Variants in RAD51B observed in about 807,000 individuals in gnomAD.
RAD51B encodes RAD51 paralog B.
RAD51B carries 38 observed loss-of-function variants against 42.2 expected under a neutral mutation model. The ratio of observed to expected loss-of-function variants is 0.90; its 90% CI spans 0.70 to 1.18. RAD51B has a LOEUF of 1.18. RAD51B is among the 50% of genes most tolerant of loss of function. The probability of loss-of-function intolerance (pLI) is 0.00; values close to 1 mark genes in which losing one functional copy is unlikely to be tolerated. For missense variants in RAD51B, 373 were observed against 400.7 expected, an observed-to-expected ratio of 0.93 and a Z score of 0.59; for synonymous variants, 154 against 145.2, an observed-to-expected ratio of 1.06 and a Z score of -0.43.
chr14:68,016,562 T>C (rs974400343), intron 7 of RAD51B, among the ~76,000 whole-genome samples: 2 of 152,240 alleles, frequency 1.3e-5, no homozygotes, highest in South Asian at 4.1e-4. Flanking sequence ...TTATAACATT[T>C]AGCTTTAAAT....
intron 7 of RAD51B, among the ~76,000 whole-genome samples, chr14:68,044,230 G>T (rs1485225686): frequency 6.6e-6 from 1 of 152,120 alleles, no homozygotes; most frequent in Non-Finnish European, 1.5e-5. Flanking sequence ...GATATCTTTA[G>T]GTTCAAATTA....
At chr14:68,010,533 A>G (rs1052367513) in intron 7 of RAD51B, among the ~76,000 whole-genome samples, 1 of 151,726 alleles carries the variant, frequency 6.6e-6, no homozygotes, top group Admixed American at 6.6e-5. Flanking sequence ...AATATATAAG[A>G]TTTTAGAGTA....
chr14:68,043,722 G>C (rs551263228), intron 7 of RAD51B, among the ~76,000 whole-genome samples: 3 of 152,266 alleles, frequency 2.0e-5, no homozygotes, highest in African/African-American at 7.2e-5. Flanking sequence ...TGTTAAAAAG[G>C]CTTTCTGATA....
intron 10 of RAD51B, chr14:68,540,309 ACACTGTTGGAT>A: frequency 9.6e-7 from 1 of 1,045,008 alleles, no homozygotes; most frequent in African/African-American, 1.7e-5. Flanking sequence ...CCACACCACA[ACACTGTTGGAT>A]CATCAGACCT....
chr14:67,917,787 A>T (rs1024014855), intron 7 of RAD51B, among the ~76,000 whole-genome samples: 3 of 152,190 alleles, frequency 2.0e-5, no homozygotes, highest in African/African-American at 7.2e-5. Flanking sequence ...TGGACAGAGC[A>T]GATTTGAGGG....
At chr14:68,501,059 A>G (rs1884885742) in intron 10 of RAD51B, among the ~76,000 whole-genome samples, 2 of 152,064 alleles carry the variant, frequency 1.3e-5, no homozygotes, top group South Asian at 2.1e-4. Flanking sequence ...CCCTCTTGCC[A>G]TGGTTCATGC....
At chr14:67,943,997 A>C (rs1045870749) in intron 7 of RAD51B, among the ~76,000 whole-genome samples, 1 of 152,132 alleles carries the variant, frequency 6.6e-6, no homozygotes, top group African/African-American at 2.4e-5. Context: ...TCATTTCTTC[A>C]GCACTCTGGG....
At chr14:68,650,822 A>G in exon 11 of RAD51B, 1 of 761,140 alleles carries the variant, frequency 1.3e-6, no homozygotes, top group Non-Finnish European at 2.4e-6. Flanking sequence ...AATCCAGAAC[A>G]GACTAAAAGA....
At chr14:68,207,332 C>T (rs2079613295) in intron 7 of RAD51B, among the ~76,000 whole-genome samples, 1 of 152,060 alleles carries the variant, frequency 6.6e-6, no homozygotes, top group African/African-American at 2.4e-5. Context: ...AATTCATTCC[C>T]ACAGGTTTCT....
chr14:67,824,920 T>TA (rs1566909013), intron 2 of RAD51B, among the ~76,000 whole-genome samples: 2 of 149,922 alleles, frequency 1.3e-5, no homozygotes, highest in Non-Finnish European at 3.0e-5. Context: ...CTACTAAAAA[T>TA]AAAAAAAATT....
intron 8 of RAD51B, among the ~76,000 whole-genome samples, chr14:68,388,188 GGTTCA>G: frequency 6.6e-6 from 1 of 151,508 alleles, no homozygotes; most frequent in East Asian, 1.9e-4. Flanking sequence ...CTGCCTCCCT[GGTTCA>G]AGCGATTCTC....
At chr14:68,468,010 A>G (rs952978444) in intron 9 of RAD51B, among the ~76,000 whole-genome samples, 162 bp from the exon 10 acceptor site, 14 of 152,152 alleles carry the variant, frequency 9.2e-5, no homozygotes, top group African/African-American at 3.1e-4. Flanking sequence ...AAAGGATAAC[A>G]CTCATTTAAA....
chr14:68,643,968 T>C (rs1674717676), intron 10 of RAD51B, among the ~76,000 whole-genome samples: 1 of 152,220 alleles, frequency 6.6e-6, no homozygotes, highest in African/African-American at 2.4e-5. Flanking sequence ...CCTTCCCCAG[T>C]AGCTGTCACC....
intron 8 of RAD51B, among the ~76,000 whole-genome samples, chr14:68,333,245 A>G (rs1241018552): frequency 6.6e-6 from 1 of 151,572 alleles, no homozygotes; most frequent in East Asian, 2.0e-4. Flanking sequence ...ATCAATAAAG[A>G]AAAATAGAAA....
At chr14:68,006,769 A>AATT (rs1180510939) in intron 7 of RAD51B, among the ~76,000 whole-genome samples, 1 of 152,140 alleles carries the variant, frequency 6.6e-6, no homozygotes, top group Non-Finnish European at 1.5e-5. Flanking sequence ...AATTAGGATA[A>AATT]ATACATAAAG....
At chr14:68,039,286 G>T (rs1460233509) in intron 7 of RAD51B, among the ~76,000 whole-genome samples, 1 of 151,966 alleles carries the variant, frequency 6.6e-6, no homozygotes, top group Non-Finnish European at 1.5e-5. Context: ...AAATTTGCTG[G>T]GTGTGGTGGC....
chr14:67,982,372 A>C, intron 7 of RAD51B, among the ~76,000 whole-genome samples: 1 of 152,364 alleles, frequency 6.6e-6, no homozygotes, highest in African/African-American at 2.4e-5. Context: ...CATATGCACT[A>C]GCATATTATA....
chr14:68,021,379 G>A (rs1595269804), intron 7 of RAD51B, among the ~76,000 whole-genome samples: 1 of 152,126 alleles, frequency 6.6e-6, no homozygotes, highest in African/African-American at 2.4e-5. Context: ...CTGATTGGAG[G>A]TCTGGCTCTC....
intron 10 of RAD51B, among the ~76,000 whole-genome samples, chr14:68,500,884 G>A (rs1044550796): frequency 6.6e-6 from 1 of 152,194 alleles, no homozygotes; most frequent in Non-Finnish European, 1.5e-5. Flanking sequence ...TGGGAAGAGA[G>A]GACACTGGCT....
Sources: allele counts gnomAD v4.1 joint callset (sites outside exome capture counted in the v4.1 genomes callset), GRCh38; gene constraint gnomAD v4.1.1; transcripts MANE v1.5; gene names NCBI Gene and HGNC (gene_info 2026-07-23, HGNC 2026-07-21).